Variants in RELN observed in about 807,000 individuals in gnomAD.
RELN encodes the protein reelin.
In RELN, 108 loss-of-function variants were observed where a neutral mutation model predicts 427.6. The observed-to-expected ratio is 0.25, with a 90% CI of 0.22 to 0.30. The LOEUF (loss-of-function observed/expected upper bound fraction) is 0.30, where lower values mean the gene tolerates loss of function less well. Ranked by LOEUF, RELN falls within the 10% of genes least tolerant of loss-of-function variation. The probability of loss-of-function intolerance (pLI) is 1.00; values close to 1 mark genes in which losing one functional copy is unlikely to be tolerated. For synonymous variants in RELN, 1,524 were observed against 1,513.4 expected, an observed-to-expected ratio of 1.01 and a Z score of -0.16; for missense variants, 3,715 against 4,302.8, an observed-to-expected ratio of 0.86 and a Z score of 3.82.
chr7:103,784,930 G>C (rs900827249), intron 3 of RELN, among the ~76,000 whole-genome samples: 2 of 152,116 alleles, frequency 1.3e-5, no homozygotes, highest in Admixed American at 6.6e-5. Context: ...TGTTACACTT[G>C]ATACAGAATG....
At chr7:103,674,964 T>C (rs1175331980) in intron 11 of RELN, among the ~76,000 whole-genome samples, 1 of 152,188 alleles carries the variant, frequency 6.6e-6, no homozygotes, top group East Asian at 1.9e-4. Context: ...GCATTCCCTT[T>C]GAAAACTAGC....
At chr7:103,577,295 C>A (rs1362295495) in intron 28 of RELN, among the ~76,000 whole-genome samples, 1 of 152,120 alleles carries the variant, frequency 6.6e-6, no homozygotes, top group Non-Finnish European at 1.5e-5. Context: ...GAACCATAAC[C>A]TTGGCTTTTT....
At chr7:103,499,115 C>A (rs1393593239) in intron 53 of RELN, among the ~76,000 whole-genome samples, 2 of 152,234 alleles carry the variant, frequency 1.3e-5, no homozygotes, top group East Asian at 3.9e-4. Flanking sequence ...GAAACCAAAT[C>A]TCTCTATATA....
intron 2 of RELN, among the ~76,000 whole-genome samples, chr7:103,876,177 G>A (rs74739009): frequency 6.6e-6 from 1 of 152,068 alleles, no homozygotes; most frequent in South Asian, 2.1e-4. Context: ...TAACTTGTAC[G>A]GAAAGATGAA....
chr7:103,889,680 C>T (rs1296316732), intron 2 of RELN, among the ~76,000 whole-genome samples: 2 of 152,076 alleles, frequency 1.3e-5, no homozygotes, highest in African/African-American at 4.8e-5. Flanking sequence ...GGCAGAGACA[C>T]TGAAACTACA....
At chr7:103,549,617 A>G (rs1830369944) in intron 41 of RELN, among the ~76,000 whole-genome samples, 1 of 152,194 alleles carries the variant, frequency 6.6e-6, no homozygotes, top group African/African-American at 2.4e-5. Flanking sequence ...TCAGATTTGA[A>G]AATTTGGAAT....
Position 103,527,312 on chromosome 7 carries a change from A to G in RELN, c.7350-3781T>C, listed in dbSNP as rs78360193. 4.2e-3 allele frequency among the ~76,000 whole-genome samples: 634 copies of G among 152,352 alleles called. 4 individuals are homozygous for G. The highest frequency in any genetic ancestry group is 0.014 in the African/African-American group (596 of 41,582). ...ATATCTTTTACTTCGAAAGAGATAC[A>G]TAAAATATTTAAGCCTAGAAAATCT... is the stretch of plus-strand genomic sequence containing the variant. On this transcript the variant is annotated intron_variant, in intron 46 of 64. Transcript: ENST00000428762.
At chr7:103,555,131 C>A (rs1414274089) in intron 38 of RELN, among the ~76,000 whole-genome samples, 1 of 151,972 alleles carries the variant, frequency 6.6e-6, no homozygotes, top group Non-Finnish European at 1.5e-5. Flanking sequence ...GTGATTTAGA[C>A]CAGGTGTTTA....
chr7:103,684,302 G>T (rs551965887), intron 10 of RELN, among the ~76,000 whole-genome samples: 1 of 152,204 alleles, frequency 6.6e-6, no homozygotes, highest in East Asian at 1.9e-4. Flanking sequence ...CAGCGGGCTT[G>T]GTGTCTTGGA....
intron 2 of RELN, among the ~76,000 whole-genome samples, chr7:103,914,929 T>G (rs1168146267): frequency 6.6e-6 from 1 of 152,118 alleles, no homozygotes; most frequent in Non-Finnish European, 1.5e-5. Flanking sequence ...GACCTCAGAG[T>G]GATCTCTTTA....
At chr7:103,778,942 T>A (rs556099810) in intron 3 of RELN, among the ~76,000 whole-genome samples, 1 of 152,234 alleles carries the variant, frequency 6.6e-6, no homozygotes, top group Non-Finnish European at 1.5e-5. Flanking sequence ...TCTGGAACTC[T>A]TAGGGTTTAA....
Position 103,640,441 on chromosome 7 carries a change from A to G in RELN, c.2069+102T>C. ...GAAATATCCAACTTTTTGTCTTAAA[A>G]AGATCCCCGATCCTAAAAAAGGTTA... On this transcript the variant is annotated intron_variant, in intron 17 of 64. Transcript: ENST00000428762. The surrounding 1 kb of genome is among the most constrained non-coding windows in gnomAD (Gnocchi z 4.1). 8.4e-7 allele frequency: 1 copy of G among 1,185,420 alleles called. No individual in the cohort carries two copies. The highest frequency in any genetic ancestry group is 1.3e-5 in the South Asian group (1 of 79,832). The allele number at this position is 1,185,420 out of a possible 1,614,324, so 73.4% of individuals were successfully genotyped here. A position where few individuals can be genotyped will look rare whatever the true frequency, so the allele number is the denominator to read the frequency against.
At chr7:103,585,460 G>A (rs896376720) in intron 28 of RELN, among the ~76,000 whole-genome samples, 6 of 151,966 alleles carry the variant, frequency 3.9e-5, no homozygotes, top group Non-Finnish European at 7.4e-5. Flanking sequence ...TAGAGAAAAC[G>A]GATAAATTCC....
At chr7:103,787,451 A>AAGAAGAAAAG (rs1358652437) in intron 3 of RELN, among the ~76,000 whole-genome samples, 2 of 152,176 alleles carry the variant, frequency 1.3e-5, no homozygotes, top group African/African-American at 4.8e-5. Context: ...ACTAATAAAG[A>AAGAAGAAAAG]AGAAGAAAAG....
At chr7:103,742,869 C>A (rs760177083) in intron 6 of RELN, among the ~76,000 whole-genome samples, 3 of 152,182 alleles carry the variant, frequency 2.0e-5, no homozygotes, top group Admixed American at 1.3e-4. Flanking sequence ...CTTCCCCAAT[C>A]TAGCAAGGCA....
At chr7:103,665,044 T>C (rs949956160) in intron 11 of RELN, among the ~76,000 whole-genome samples, 3 of 152,158 alleles carry the variant, frequency 2.0e-5, no homozygotes, top group African/African-American at 7.2e-5. Flanking sequence ...TCGTCTATAT[T>C]TTCTTCTAAA....
chr7:103,733,951 G>A lies in RELN; in HGVS notation c.657-5744C>T, dbSNP rs887619358. On this transcript the variant is annotated intron_variant, in intron 6 of 64. Transcript: ENST00000428762. ...AACTTAAAGTATAATAAAAAAAAAT[G>A]TTCTCTATAAAGACCACAAGTAATC... Among the ~76,000 whole-genome samples the A allele has an allele frequency of 8.7e-4, 132 of 151,872 alleles. 1 individual carries two copies. Among genetic ancestry groups the A allele is most frequent in the African/African-American group, 3.0e-3 (126 of 41,456 alleles).
intron 63 of RELN, chr7:103,482,671 G>A (rs1279659058): frequency 1.5e-6 from 1 of 647,482 alleles, no homozygotes; most frequent in African/African-American, 2.0e-5. Flanking sequence ...GTTTTCTAAG[G>A]TACATTACAT....
rs78023133 is a variant in RELN at position 103,780,922 on chromosome 7, G to A, written c.474-4295C>T. Among the ~76,000 whole-genome samples, 591 of 152,232 alleles carry A rather than the reference G, an allele frequency of 3.9e-3. 4 individuals carry two copies. The highest frequency in any genetic ancestry group is 0.013 in the African/African-American group (559 of 41,532). On this transcript the variant is annotated intron_variant, in intron 3 of 64. Coordinates refer to ENST00000428762, the MANE Select transcript of RELN (RefSeq NM_005045.4). ...TGCTACTGCCATAAAATTACTGGAT[G>A]ACGTTCTCAGCCATGCTGCTGCCCA...
Sources: allele counts gnomAD v4.1 joint callset (sites outside exome capture counted in the v4.1 genomes callset), GRCh38; gene constraint gnomAD v4.1.1; non-coding constraint Gnocchi (gnomAD v3.1); transcripts MANE v1.5; gene names NCBI Gene and HGNC (gene_info 2026-07-23, HGNC 2026-07-21).